CSMD1: variants seen among roughly 807,000 people sequenced by gnomAD.
The protein encoded by CSMD1 is CUB and Sushi multiple domains 1, also known as CUB and sushi domain-containing protein 1.
A neutral mutation model predicts 417.5 loss-of-function variants in CSMD1; 213 were observed. The observed-to-expected ratio is 0.51, with a 90% CI of 0.46 to 0.57. The LOEUF is 0.57. Among genes scored for constraint, CSMD1 ranks in the 20% least tolerant of loss-of-function variants. The pLI is 0.00. For missense variants in CSMD1, 6,923 were observed against 4,529.7 expected (o/e 1.53, Z -15.17); for synonymous variants, 2,862 against 1,736.8 (o/e 1.65, Z -16.11).
At chr8:3,315,988 A>G (rs1563264439) in intron 23 of CSMD1, among the ~76,000 whole-genome samples, 1 of 152,232 alleles carries the variant, frequency 6.6e-6, no homozygotes, top group Non-Finnish European at 1.5e-5. Flanking sequence ...GAGACGTCTC[A>G]GTGAAATAAT....
intron 17 of CSMD1, among the ~76,000 whole-genome samples, chr8:3,393,291 G>A (rs530640067): frequency 6.6e-6 from 1 of 152,162 alleles, no homozygotes; most frequent in Non-Finnish European, 1.5e-5. Flanking sequence ...TCACTCACTA[G>A]GTGAGGCCTC....
chr8:3,809,476 G>A (rs1479410599), intron 5 of CSMD1, among the ~76,000 whole-genome samples: 3 of 152,178 alleles, frequency 2.0e-5, no homozygotes, highest in African/African-American at 7.2e-5. Context: ...AGTTCATACT[G>A]GGCTGCGTGA....
intron 3 of CSMD1, among the ~76,000 whole-genome samples, chr8:4,376,106 T>C (rs996781499): frequency 6.6e-6 from 1 of 152,236 alleles, no homozygotes; most frequent in South Asian, 2.1e-4. Flanking sequence ...TAAGTAGGAC[T>C]CAGCTTATCA....
chr8:3,913,372 C>G (rs1563204726), intron 5 of CSMD1, among the ~76,000 whole-genome samples: 4 of 152,004 alleles, frequency 2.6e-5, no homozygotes, highest in African/African-American at 9.7e-5. Context: ...GCAACAAGCA[C>G]AAAGGGAAAT....
At chr8:4,333,975 T>C (rs1019473601) in intron 3 of CSMD1, among the ~76,000 whole-genome samples, 1 of 152,136 alleles carries the variant, frequency 6.6e-6, no homozygotes, top group Non-Finnish European at 1.5e-5. Flanking sequence ...CACTGCAGTC[T>C]TAATGTTCTG....
intron 1 of CSMD1, among the ~76,000 whole-genome samples, chr8:4,773,110 A>G (rs913375710): frequency 6.6e-6 from 1 of 152,148 alleles, no homozygotes; most frequent in Non-Finnish European, 1.5e-5. Flanking sequence ...GAATATTTGC[A>G]TATATATTAC....
intron 3 of CSMD1, among the ~76,000 whole-genome samples, chr8:4,100,650 G>A (rs1390705445): frequency 2.6e-5 from 4 of 152,012 alleles, no homozygotes; most frequent in African/African-American, 9.7e-5. Flanking sequence ...CCATCATTTC[G>A]ATGATGGAAA....
intron 46 of CSMD1, among the ~76,000 whole-genome samples, chr8:3,104,842 G>A (rs1349552949): frequency 6.6e-6 from 1 of 151,956 alleles, no homozygotes; most frequent in Non-Finnish European, 1.5e-5. Flanking sequence ...TGAGTAGCTG[G>A]CATTACAGGC....
chr8:4,208,843 G>A (rs1647314), intron 3 of CSMD1, among the ~76,000 whole-genome samples: 6,070 of 152,274 alleles, frequency 0.04, 172 homozygotes, highest in Non-Finnish European at 0.057. Context: ...TTGGAAAATT[G>A]AGGTAGCAAT....
chr8:4,114,677 G>T (rs902776973), intron 3 of CSMD1, among the ~76,000 whole-genome samples: 3 of 152,182 alleles, frequency 2.0e-5, no homozygotes, highest in African/African-American at 7.2e-5. Context: ...GAAAAATTGT[G>T]CTTCATGGGA....
At chr8:3,747,624 G>T (rs1436854573) in intron 6 of CSMD1, among the ~76,000 whole-genome samples, 2 of 151,842 alleles carry the variant, frequency 1.3e-5, no homozygotes, top group East Asian at 1.9e-4. Context: ...GATTCTCAGT[G>T]GTTGACAATA....
At chr8:3,233,657 C>T (rs891837231) in intron 26 of CSMD1, among the ~76,000 whole-genome samples, 4 of 151,886 alleles carry the variant, frequency 2.6e-5, no homozygotes, top group Non-Finnish European at 5.9e-5. Context: ...TTTTTATTCT[C>T]TTTTTTTTCA....
At position 3,838,939 on chromosome 8, in the gene CSMD1, A is replaced by G. The variant is rs1428544577; in HGVS notation, c.819-84897T>C. Among the ~76,000 whole-genome samples the G allele has an allele frequency of 5.0e-5, 5 of 100,234 alleles. No individual in the cohort carries two copies. In the Admixed American group the frequency reaches 5.6e-4, roughly 11 times the overall value. The allele number at this position is 100,234 out of a possible 152,430, so 65.8% of individuals were successfully genotyped here. A position where few individuals can be genotyped will look rare whatever the true frequency, so the allele number is the denominator to read the frequency against. On this transcript the variant is annotated intron_variant, in intron 5 of 69. Transcript: ENST00000635120. ...TGTATAGTCTCTCTATTTATATATA[A>G]TAAAAAATTAATATCTATAAATTAA...
chr8:4,310,667 G>C (rs770937476), intron 3 of CSMD1, among the ~76,000 whole-genome samples: 3 of 152,066 alleles, frequency 2.0e-5, no homozygotes, highest in Non-Finnish European at 4.4e-5. Flanking sequence ...TAAAATTTAG[G>C]GGTGGCAAAA....
chr8:3,245,752 A>G (rs907249774), intron 26 of CSMD1, among the ~76,000 whole-genome samples: 1 of 152,224 alleles, frequency 6.6e-6, no homozygotes, highest in African/African-American at 2.4e-5. Flanking sequence ...GGGTGGATCT[A>G]GAACGGACTA....
chr8:3,090,316 CAAAAA>C (rs35534326), intron 48 of CSMD1, among the ~76,000 whole-genome samples: 2 of 79,810 alleles, frequency 2.5e-5, no homozygotes, highest in Admixed American at 1.8e-4. Context: ...GACTGTATTT[CAAAAA>C]AAAAAAAAAA....
intron 3 of CSMD1, among the ~76,000 whole-genome samples, chr8:4,138,626 G>GAA (rs142666117): frequency 1.8e-4 from 28 of 151,888 alleles, no homozygotes; most frequent in Non-Finnish European, 4.4e-5. Context: ...TTAAACAAAG[G>GAA]AAAAAACATC....
chr8:3,465,331 G>A (rs2117172472), intron 12 of CSMD1, among the ~76,000 whole-genome samples: 2 of 152,270 alleles, frequency 1.3e-5, no homozygotes, highest in East Asian at 3.9e-4. Flanking sequence ...AGGGGATGGA[G>A]GAGAGAGGAT....
At chr8:4,058,254 C>A (rs546945313) in intron 3 of CSMD1, among the ~76,000 whole-genome samples, 1 of 152,108 alleles carries the variant, frequency 6.6e-6, no homozygotes, top group Non-Finnish European at 1.5e-5. Context: ...CTTCACATCC[C>A]TTGTAAGTTG....
Sources: gnomAD v4.1 joint callset for allele counts (sites outside exome capture counted in the v4.1 genomes callset) on GRCh38, gnomAD v4.1.1 for gene constraint, MANE v1.5 for transcripts, NCBI Gene and HGNC (gene_info 2026-07-23, HGNC 2026-07-21) for gene names.